Variants in LRRC23 observed in about 807,000 individuals in gnomAD.
The protein encoded by LRRC23 is leucine rich repeat containing 23.
Under a neutral mutation model 37.7 loss-of-function variants are expected in LRRC23, and 28 were observed. The observed-to-expected ratio is 0.74, with a 90% CI of 0.55 to 1.02. The LOEUF is 1.02. LRRC23 is among the 50% of genes least tolerant of loss of function. The probability of loss-of-function intolerance (pLI) is 0.00; values close to 1 mark genes in which losing one functional copy is unlikely to be tolerated. For synonymous variants in LRRC23, 161 were observed against 165.4 expected, an observed-to-expected ratio of 0.97 and a Z score of 0.20; for missense variants, 377 against 413.2, an observed-to-expected ratio of 0.91 and a Z score of 0.76.
At chr12:6,910,400 C>T (rs1279020323) in intron 6 of LRRC23, among the ~76,000 whole-genome samples, 2 of 151,924 alleles carry the variant, frequency 1.3e-5, no homozygotes, top group African/African-American at 4.8e-5. Flanking sequence ...CCTAGTGAGA[C>T]CATGTTTCTA....
chr12:6,913,709 C>T, intron 7 of LRRC23, 182 bp from the exon 8 acceptor site: 2 of 411,892 alleles, frequency 4.9e-6, no homozygotes, highest in South Asian at 8.0e-5. Flanking sequence ...GGACTACAGG[C>T]GCATGCAACC....
chr12:6,913,845 G>A, intron 7 of LRRC23, 46 bp from the exon 8 acceptor site: 1 of 1,439,430 alleles, frequency 6.9e-7, no homozygotes, highest in Non-Finnish European at 9.4e-7. Context: ...TTACAGGGGT[G>A]AGCCACAGCG....
At chr12:6,909,373 ATATTT>A (rs1400274021) in intron 5 of LRRC23, among the ~76,000 whole-genome samples, 4 of 38,826 alleles carry the variant, frequency 1.0e-4, no homozygotes, top group Non-Finnish European at 1.6e-4. Flanking sequence ...TATATATAAT[ATATTT>A]TATATAATAT....
At chr12:6,908,846 ACAGT>A in intron 5 of LRRC23, among the ~76,000 whole-genome samples, 1 of 142,974 alleles carries the variant, frequency 7.0e-6, no homozygotes, top group East Asian at 2.0e-4. Flanking sequence ...AGAAAGAATC[ACAGT>A]CAGAAAGAGG....
Position 6,914,150 on chromosome 12 carries a change from G to A in LRRC23, c.*284G>A. On this transcript the variant is annotated 3_prime_UTR_variant, in exon 8 of 8. Transcript: ENST00000443597. This position sits in a 1 kb window ranked among gnomAD's most constrained non-coding sequence, Gnocchi z 7.1. Reference sequence around the variant, plus strand: ...TGAGAGCCAAGACCGCGTGGGCCGCGGGGTGCTGGTAGGAGTGGTTGGAGA... The same window carrying A: ...TGAGAGCCAAGACCGCGTGGGCCGCAGGGTGCTGGTAGGAGTGGTTGGAGA... The A allele has an allele frequency of 7.2e-7, 1 of 1,383,976 alleles. No homozygotes were observed. The allele number at this position is 1,383,976 out of a possible 1,614,324, so 85.7% of individuals were successfully genotyped here. A position where few individuals can be genotyped will look rare whatever the true frequency, so the allele number is the denominator to read the frequency against.
chr12:6,906,793 A>G (rs1555139704), intron 4 of LRRC23, 131 bp downstream of exon 4: 3 of 1,013,060 alleles, frequency 3.0e-6, no homozygotes, highest in African/African-American at 3.2e-5. Flanking sequence ...ACGCAATATG[A>G]TTCATTATGA....
intron 5 of LRRC23, among the ~76,000 whole-genome samples, chr12:6,908,823 C>CA (rs34675493): frequency 0.38 from 45,445 of 118,788 alleles, 8,875 homozygotes; most frequent in East Asian, 0.53. Flanking sequence ...GACTCTGTTT[C>CA]AAAAAAAAAA....
chr12:6,912,169 C>A (rs1311876298), intron 6 of LRRC23, among the ~76,000 whole-genome samples: 1 of 152,126 alleles, frequency 6.6e-6, no homozygotes. Flanking sequence ...ATCCCAGTTC[C>A]TTGTCCACTG....
chr12:6,905,513 T>G, intron 1 of LRRC23, 72 bp from the exon 2 acceptor site: 1 of 903,262 alleles, frequency 1.1e-6, no homozygotes, highest in Non-Finnish European at 1.8e-6. Flanking sequence ...ATGGGGGTGA[T>G]GGGAGTGGCA....
At chr12:6,905,791 C>T in intron 2 of LRRC23, 32 bp downstream of exon 2, 1 of 1,611,520 alleles carries the variant, frequency 6.2e-7, no homozygotes, top group Non-Finnish European at 8.5e-7. Context: ...GGTCCTAGGG[C>T]TGAAGGAGGG....
At chr12:6,907,618 G>A (rs1944981897) in intron 5 of LRRC23, 173 bp downstream of exon 5, 2 of 703,550 alleles carry the variant, frequency 2.8e-6, no homozygotes, top group African/African-American at 3.5e-5. Context: ...CACCTAGCAG[G>A]GCTGATAATA....
chr12:6,908,421 ACT>A (rs1346617852), intron 5 of LRRC23, among the ~76,000 whole-genome samples: 1 of 151,524 alleles, frequency 6.6e-6, no homozygotes, highest in Non-Finnish European at 1.5e-5. Flanking sequence ...ACATGGCGAA[ACT>A]CTGTCTCTAC....
rs782404755 is a variant in LRRC23 at position 6,906,506 on chromosome 12, C to T, written c.334C>T (p.Leu112Phe). The change falls in exon 4 of 8, where the codon CTC (leucine) becomes TTC (phenylalanine). Residue 112 changes from leucine (L) to phenylalanine (F), a missense_variant. Around this residue, in one of 3 missense-constraint regions of LRRC23, gnomAD observed 266 missense variants for 285.6 expected, o/e 0.93. Coordinates refer to ENST00000443597, the MANE Select transcript of LRRC23 (RefSeq NM_001135217.2). The part of the protein sequence containing the change: ...HLTDLSPLNY[L>F]THLLWLKADG... ...GACAGACCTGTCTCCACTCAACTACCTCACCCACCTGCTCTGGCTCAAGGC... is the reference window on the plus strand; with the variant it reads ...GACAGACCTGTCTCCACTCAACTACTTCACCCACCTGCTCTGGCTCAAGGC... The T allele has an allele frequency of 6.2e-7, 1 of 1,614,220 alleles. No homozygotes were observed. Among genetic ancestry groups the T allele is most frequent in the Admixed American group, 1.7e-5 (1 of 60,020 alleles).
intron 5 of LRRC23, among the ~76,000 whole-genome samples, chr12:6,909,395 A>T (rs1302091354): frequency 2.7e-5 from 1 of 36,422 alleles, no homozygotes; most frequent in Admixed American, 4.3e-4. Context: ...ATATATAAAT[A>T]TTATATATAA....
At position 6,906,412 on chromosome 12, in the gene LRRC23, C is replaced by G; in HGVS notation, c.240C>G (p.Asp80Glu). The G allele has an allele frequency of 6.2e-7, 1 of 1,613,628 alleles. No homozygotes were observed. The highest frequency in any genetic ancestry group is 2.2e-5 in the East Asian group (1 of 44,888). ...AYVKLEVKER[D>E]LTDIYLLRSY... ...TTCTCCCTCTTCCATCTCCTAGGGA[C>G]CTGACAGACATCTACTTGCTGCGCT... The change falls in exon 4 of 8, where the codon GAC becomes GAG. Residue 80 changes from aspartate to glutamate, a missense_variant. Around this residue, in one of 3 missense-constraint regions of LRRC23, gnomAD observed 106 missense variants for 105.9 expected, o/e 1.00. Transcript: ENST00000443597.
chr12:6,907,652 A>T, intron 5 of LRRC23: 1 of 628,576 alleles, frequency 1.6e-6, no homozygotes, highest in Non-Finnish European at 2.9e-6. Context: ...TAATACAGAG[A>T]TAATTTACCT....
At position 6,912,789 on chromosome 12, in the gene LRRC23, G is replaced by A. The variant is rs782782953; in HGVS notation, c.818G>A (p.Arg273Gln). 4 of 1,614,028 alleles carry A rather than the reference G, an allele frequency of 2.5e-6. No individual in the cohort carries two copies. The highest frequency in any genetic ancestry group is 2.2e-5 in the East Asian group (1 of 44,890). ...LAKLRDLPKL[R>Q]ALVLLDNPCT... ...AAGCTTCGAGACCTGCCCAAGCTGC[G>A]AGCGTTGGTGCTGCTTGATAACCCA... Residue 273 changes from arginine (R) to glutamine (Q), a missense_variant, in exon 7 of 8, where the codon CGA (arginine) becomes CAA (glutamine). Physicochemically the swap from Arg to Gln is conservative, Grantham distance 43. Coordinates refer to ENST00000443597, the MANE Select transcript of LRRC23 (RefSeq NM_001135217.2).
At chr12:6,913,592 G>A (rs1469504799) in intron 7 of LRRC23, among the ~76,000 whole-genome samples, 2 of 97,482 alleles carry the variant, frequency 2.1e-5, no homozygotes, top group African/African-American at 8.8e-5. Flanking sequence ...TTGCGAGGTA[G>A]TCTTGCTTAG....
At chr12:6,905,465 G>T in intron 1 of LRRC23, 120 bp from the exon 2 acceptor site, 2 of 630,514 alleles carry the variant, frequency 3.2e-6, no homozygotes, top group East Asian at 2.8e-5. Context: ...TGTTCACAGG[G>T]ATAAGGAAAG....
Sources: gnomAD v4.1 joint callset for allele counts (sites outside exome capture counted in the v4.1 genomes callset) on GRCh38, gnomAD v4.1.1 for gene constraint, gnomAD v4.1.1 regional missense constraint, Gnocchi (gnomAD v3.1) non-coding constraint, MANE v1.5 for transcripts, NCBI Gene and HGNC (gene_info 2026-07-23, HGNC 2026-07-21) for gene names.